The following DUSP15 variants were observed in gnomAD, a reference collection of about 807,000 sequenced individuals.
The protein encoded by DUSP15 is dual specificity phosphatase 15.
Under a neutral mutation model 26.3 loss-of-function variants are expected in DUSP15, and 23 were observed. The observed-to-expected ratio is 0.87, with a 90% CI of 0.63 to 1.24. DUSP15 has a LOEUF of 1.24. Among genes scored for constraint, DUSP15 ranks in the 50% most tolerant of loss-of-function variants. The pLI, the probability that DUSP15 is intolerant of heterozygous loss-of-function variation, is 0.00. For missense variants in DUSP15, 364 were observed against 320.6 expected (o/e 1.14, Z -1.03); for synonymous variants, 143 against 135.5 (o/e 1.06, Z -0.39).
At chr20:31,867,595 G>T (rs1269826260) in intron 2 of DUSP15, among the ~76,000 whole-genome samples, 1 of 143,098 alleles carries the variant, frequency 7.0e-6, no homozygotes, top group African/African-American at 2.6e-5. Context: ...CCATTAAAAA[G>T]AGTTCTATAT....
chr20:31,859,214 C>T (rs1284793689), downstream of DUSP15, among the ~76,000 whole-genome samples: 3 of 151,178 alleles, frequency 2.0e-5, no homozygotes, highest in Non-Finnish European at 2.9e-5. Flanking sequence ...TGCCTGCCGA[C>T]AGCTACACCT....
chr20:31,852,597 G>A (rs1379463486), intron 6 of DUSP15, among the ~76,000 whole-genome samples: 3 of 152,112 alleles, frequency 2.0e-5, no homozygotes, highest in African/African-American at 7.2e-5. Flanking sequence ...CATCACCTGA[G>A]GTCAGGAGTT....
Position 31,870,519 on chromosome 20 carries a change from G to T in DUSP15, c.-182C>A. The stretch of plus-strand genomic sequence containing the variant: ...CACCGCCCGCCGACCCCCGGCCCGG[G>T]AGGGAAATGGTGGTGGAGCCGCCGC... On this transcript the variant is annotated 5_prime_UTR_variant, in exon 1 of 7. Coordinates refer to ENST00000339738, the MANE Select transcript of DUSP15 (RefSeq NM_080611.5). This position sits in a 1 kb window ranked among gnomAD's most constrained non-coding sequence, Gnocchi z 6.6. 1 of 1,435,364 alleles carries T rather than the reference G, an allele frequency of 7.0e-7. No homozygotes were observed. Among genetic ancestry groups the T allele is most frequent in the Non-Finnish European group, 9.1e-7 (1 of 1,097,644 alleles). The allele number at this position is 1,435,364 out of a possible 1,614,324, so 88.9% of individuals were successfully genotyped here. A position where few individuals can be genotyped will look rare whatever the true frequency, so the allele number is the denominator to read the frequency against.
chr20:31,867,631 G>GTTTTTTTTGTT (rs2062797598), intron 2 of DUSP15, among the ~76,000 whole-genome samples: 1 of 77,652 alleles, frequency 1.3e-5, no homozygotes. Context: ...TGCCCACAAT[G>GTTTTTTTTGTT]TTTTTTTTTT....
chr20:31,861,727 C>G, intron 6 of DUSP15, 52 bp from the exon 7 acceptor site: 1 of 1,342,958 alleles, frequency 7.4e-7, no homozygotes, highest in Non-Finnish European at 9.6e-7. Flanking sequence ...GGGGCGGGGT[C>G]AAGGCAGCCG....
At chr20:31,865,674 T>TC (rs2062750946) in intron 3 of DUSP15, among the ~76,000 whole-genome samples, 1 of 152,206 alleles carries the variant, frequency 6.6e-6, no homozygotes, top group Non-Finnish European at 1.5e-5. Flanking sequence ...ACCAGCCAGG[T>TC]TCTCATTTGT....
chr20:31,846,573 C>T (rs1006889668), downstream of DUSP15, among the ~76,000 whole-genome samples: 4 of 152,246 alleles, frequency 2.6e-5, no homozygotes, highest in South Asian at 8.3e-4. Context: ...TCCCTCTTCT[C>T]CCAGGCCTGT....
At chr20:31,869,635 C>T (rs1402928035) in intron 1 of DUSP15, 38 bp from the exon 2 acceptor site, 5 of 1,611,288 alleles carry the variant, frequency 3.1e-6, no homozygotes, top group Non-Finnish European at 2.5e-6. Flanking sequence ...GGGGCAGGGG[C>T]TGCACCCCCT....
At chr20:31,853,132 T>C (rs1184171035) in intron 6 of DUSP15, among the ~76,000 whole-genome samples, 1 of 152,132 alleles carries the variant, frequency 6.6e-6, no homozygotes, top group Non-Finnish European at 1.5e-5. Flanking sequence ...ACATATTATT[T>C]GAGCTCCTAC....
intron 6 of DUSP15, chr20:31,850,711 C>T: frequency 6.3e-7 from 1 of 1,598,508 alleles, no homozygotes; most frequent in Non-Finnish European, 8.5e-7. Context: ...GGCACCATCT[C>T]ACCCTGACCC....
chr20:31,853,747 C>A (rs1299000806), intron 6 of DUSP15, among the ~76,000 whole-genome samples: 3 of 151,702 alleles, frequency 2.0e-5, no homozygotes, highest in Non-Finnish European at 2.9e-5. Context: ...ACAGGCGCAC[C>A]CCACCATGTC....
At position 31,861,166 on chromosome 20, in the gene DUSP15, T is replaced by G; in HGVS notation, c.*237A>C. ...CCGCCGCCTTTAAGGGTGGGCCCCC[T>G]CCCCCAGCCCAAGGACTAAGGCACC... On this transcript the variant is annotated 3_prime_UTR_variant, in exon 7 of 7. Coordinates refer to ENST00000339738, the MANE Select transcript of DUSP15 (RefSeq NM_080611.5). The G allele has an allele frequency of 5.2e-6, 6 of 1,148,044 alleles. No homozygotes were observed. Among genetic ancestry groups the G allele is most frequent in the Non-Finnish European group, 6.4e-6 (6 of 931,046 alleles). The allele number at this position is 1,148,044 out of a possible 1,614,324, so 71.1% of individuals were successfully genotyped here. A position where few individuals can be genotyped will look rare whatever the true frequency, so the allele number is the denominator to read the frequency against.
At chr20:31,860,567 G>C (rs1485300044), downstream of DUSP15, among the ~76,000 whole-genome samples, 1 of 152,222 alleles carries the variant, frequency 6.6e-6, no homozygotes, top group Non-Finnish European at 1.5e-5. Context: ...GACTCAGACT[G>C]ACTAAGCTAG....
At chr20:31,865,638 C>A (rs2062750020) in intron 3 of DUSP15, among the ~76,000 whole-genome samples, 1 of 152,196 alleles carries the variant, frequency 6.6e-6, no homozygotes, top group Non-Finnish European at 1.5e-5. Context: ...GGGGCCAGGC[C>A]CGTCACTGGC....
rs773061072 is a variant in DUSP15 at position 31,848,798 on chromosome 20, T to C, written c.726+8A>G. 3 of 1,603,748 alleles carry C rather than the reference T, an allele frequency of 1.9e-6. No individual in the cohort carries two copies. In the Admixed American group the frequency reaches 5.1e-5, roughly 27 times the overall value. On this transcript the variant is annotated splice_region_variant and intron_variant, in intron 9 of 9. Coordinates refer to the DUSP15 transcript ENST00000278979. ...TGCTTCTTGGCTGGAGTGGAAGGAG[T>C]GACTCACGTCCGCCATGATGAGCTG... is the stretch of plus-strand genomic sequence containing the variant.
At position 31,861,519 on chromosome 20, in the gene DUSP15, G is replaced by A. The variant is rs754536353; in HGVS notation, c.592C>T (p.Gln198Ter). Reference sequence around the variant, plus strand: ...CGGGGCGTGCGCGGCACCAGGCGCTGCACGGTTCCCTCGGAGGCTGCTGAG... The same window carrying A: ...CGGGGCGTGCGCGGCACCAGGCGCTACACGGTTCCCTCGGAGGCTGCTGAG... The part of the protein sequence containing the change: ...PHSAASEGTV[Q>*]RLVPRTPREA... Residue 198 changes from glutamine to a stop codon, truncating the protein, a stop_gained, in exon 7 of 7, where the codon CAG becomes TAG. Transcript: ENST00000339738. LOFTEE classifies it high-confidence loss of function. The A allele has an allele frequency of 1.3e-6, 2 of 1,525,150 alleles. No individual in the cohort carries two copies. Among genetic ancestry groups the A allele is most frequent in the South Asian group, 1.2e-5 (1 of 82,540 alleles). The allele number at this position is 1,525,150 out of a possible 1,614,324, so 94.5% of individuals were successfully genotyped here.
chr20:31,869,270 C>T (rs549950717), intron 2 of DUSP15, among the ~76,000 whole-genome samples: 3 of 152,260 alleles, frequency 2.0e-5, no homozygotes, highest in Admixed American at 6.5e-5. Context: ...GCCCAGGCCC[C>T]GAGCCCTTTG....
At chr20:31,859,686 C>A (rs556644986), downstream of DUSP15, among the ~76,000 whole-genome samples, 3 of 152,284 alleles carry the variant, frequency 2.0e-5, no homozygotes, top group South Asian at 6.2e-4. Flanking sequence ...CAAACAGGGT[C>A]TCGCTCTGTC....
At chr20:31,857,943 G>A (rs762226715), downstream of DUSP15, among the ~76,000 whole-genome samples, 11 of 152,192 alleles carry the variant, frequency 7.2e-5, no homozygotes, top group Non-Finnish European at 1.6e-4. Context: ...GAGAGGGGCC[G>A]GTGGTGCAGG....
Sources: allele counts gnomAD v4.1 joint callset (sites outside exome capture counted in the v4.1 genomes callset), GRCh38; gene constraint gnomAD v4.1.1; non-coding constraint Gnocchi (gnomAD v3.1); transcripts MANE v1.5; gene names NCBI Gene and HGNC (gene_info 2026-07-23, HGNC 2026-07-21).